SCAF4: variants seen among roughly 807,000 people sequenced by gnomAD.
SCAF4 encodes the protein SR-related and CTD-associated factor 4.
Under a neutral mutation model 129.8 loss-of-function variants are expected in SCAF4, and 25 were observed. The observed-to-expected ratio is 0.19, with a 90% confidence interval of 0.14 to 0.27. The LOEUF is 0.27. SCAF4 is among the 10% of genes least tolerant of loss of function. SCAF4 has a pLI of 1.00. For missense variants in SCAF4, 1,246 were observed against 1,457.1 expected (o/e 0.86, Z 2.36); for synonymous variants, 551 against 497.7 (o/e 1.11, Z -1.43).
At chr21:31,720,964 A>G (rs1187840877) in intron 1 of SCAF4, among the ~76,000 whole-genome samples, 2 of 152,234 alleles carry the variant, frequency 1.3e-5, no homozygotes, top group South Asian at 2.1e-4. Context: ...ATAACCTGAC[A>G]TTTCTGTGTA....
In SCAF4 at chr21:31,692,408, T is replaced by C. The variant is rs1179683870; in HGVS notation, c.1555A>G (p.Thr519Ala). 1.2e-6 allele frequency: 2 copies of C among 1,614,044 alleles called. No individual in the cohort carries two copies. Among genetic ancestry groups the C allele is most frequent in the Non-Finnish European group, 1.7e-6 (2 of 1,179,936 alleles). ...AGACTGGCAACATCCTGCTGAGTAG[T>C]TCTTTTGTCCAGCTGCCCCACCCAG... Reference protein sequence around the residue: ...TLWVGQLDKRTTQQDVASLLE... With the variant: ...TLWVGQLDKRATQQDVASLLE... The change falls in exon 13 of 20, where the codon ACT becomes GCT. Residue 519 changes from threonine (T) to alanine (A), a missense_variant. Coordinates refer to ENST00000286835, the MANE Select transcript of SCAF4 (RefSeq NM_020706.2).
intron 7 of SCAF4, among the ~76,000 whole-genome samples, chr21:31,698,900 T>C (rs1441580487): frequency 6.6e-6 from 1 of 152,234 alleles, no homozygotes; most frequent in African/African-American, 2.4e-5. Context: ...AAGATAAATC[T>C]ATCTTTCATT....
chr21:31,707,103 T>C (rs942578819), intron 1 of SCAF4, among the ~76,000 whole-genome samples: 1 of 152,216 alleles, frequency 6.6e-6, no homozygotes, highest in African/African-American at 2.4e-5. Context: ...TGGGATGTTG[T>C]ATTATGGGAG....
At position 31,702,393 on chromosome 21, in the gene SCAF4, G is replaced by C; in HGVS notation, c.322-14C>G. The C allele has an allele frequency of 6.2e-7, 1 of 1,607,074 alleles. No individual in the cohort carries two copies. The highest frequency in any genetic ancestry group is 8.5e-7 in the Non-Finnish European group (1 of 1,176,890). On this transcript the variant is annotated splice_polypyrimidine_tract_variant and intron_variant, in intron 4 of 19. Transcript: ENST00000286835. The stretch of plus-strand genomic sequence containing the variant: ...AACTATTTTACTCTGTTACGCATGA[G>C]AAACACAAATATACAATAAATATTT...
chr21:31,712,205 C>G (rs2050814367), intron 1 of SCAF4, among the ~76,000 whole-genome samples: 1 of 140,600 alleles, frequency 7.1e-6, no homozygotes. Context: ...GAGTTTGATT[C>G]TCCCATTTGT....
At chr21:31,700,500 T>C (rs1371340164) in intron 7 of SCAF4, among the ~76,000 whole-genome samples, 1 of 152,042 alleles carries the variant, frequency 6.6e-6, no homozygotes, top group African/African-American at 2.4e-5. Context: ...AGTGGAATAC[T>C]ATGTATTACA....
chr21:31,688,252 T>A, intron 16 of SCAF4, 55 bp downstream of exon 16: 2 of 1,569,846 alleles, frequency 1.3e-6, no homozygotes, highest in Non-Finnish European at 1.7e-6. Context: ...ACAGTAAGAT[T>A]TAGAAAGGGA....
At chr21:31,705,008 C>T (rs552584780) in intron 3 of SCAF4, among the ~76,000 whole-genome samples, 3 of 152,128 alleles carry the variant, frequency 2.0e-5, no homozygotes, top group Non-Finnish European at 4.4e-5. Context: ...GCCAATCACA[C>T]AGTTATAAAA....
At chr21:31,717,841 A>ATATATATATATATATATATG in intron 1 of SCAF4, among the ~76,000 whole-genome samples, 1 of 83,332 alleles carries the variant, frequency 1.2e-5, no homozygotes, top group African/African-American at 4.3e-5. Context: ...ATATATATAT[A>ATATATATATATATATATATG]TACACACACA....
At chr21:31,676,957 G>T (rs954859702) in intron 19 of SCAF4, among the ~76,000 whole-genome samples, 1 of 151,932 alleles carries the variant, frequency 6.6e-6, no homozygotes, top group Admixed American at 6.6e-5. Context: ...AAAATATGTG[G>T]TCCTGTGTGA....
chr21:31,695,403 G>A (rs962559371), intron 9 of SCAF4, among the ~76,000 whole-genome samples: 2 of 151,760 alleles, frequency 1.3e-5, no homozygotes, highest in Non-Finnish European at 2.9e-5. Context: ...AATAACCAAG[G>A]GGGAATTTCA....
Position 31,688,566 on chromosome 21 carries a change from TAAAG to T in SCAF4, c.1886-106_1886-103del, listed in dbSNP as rs2050185235. ...GATTATAAAAACCTAGCCCAGTTAT[TAAAG>T]AAATTCCCATGCTAATTTTAGAAAT... On this transcript the variant is annotated intron_variant, in intron 15 of 19. Transcript: ENST00000286835. 6 of 913,418 alleles carry T rather than the reference TAAAG, an allele frequency of 6.6e-6. 1 individual carries two copies. The East Asian group carries it at 1.5e-4, about 22-fold the overall frequency. 56.6% of individuals were successfully genotyped at this position (913,418 alleles called of 1,614,324 possible). A position where few individuals can be genotyped will look rare whatever the true frequency, so the allele number is the denominator to read the frequency against.
chr21:31,701,339 C>T (rs964271899), intron 6 of SCAF4, among the ~76,000 whole-genome samples, 168 bp from the exon 7 acceptor site: 5 of 152,088 alleles, frequency 3.3e-5, no homozygotes, highest in Non-Finnish European at 7.4e-5. Flanking sequence ...AATGAATATA[C>T]AGAGATATAA....
At chr21:31,730,527 C>G (rs1364946298) in intron 1 of SCAF4, among the ~76,000 whole-genome samples, 1 of 152,198 alleles carries the variant, frequency 6.6e-6, no homozygotes, top group Admixed American at 6.5e-5. Flanking sequence ...ATAATTGTTA[C>G]AAGTAAACCT....
chr21:31,697,439 TTCA>T (rs2050414818), intron 7 of SCAF4, among the ~76,000 whole-genome samples: 1 of 152,218 alleles, frequency 6.6e-6, no homozygotes, highest in Non-Finnish European at 1.5e-5. Flanking sequence ...TCATATAGAC[TTCA>T]TCACAAGAAC....
At chr21:31,720,848 A>G in intron 1 of SCAF4, among the ~76,000 whole-genome samples, 1 of 152,210 alleles carries the variant, frequency 6.6e-6, no homozygotes, top group East Asian at 1.9e-4. Context: ...CAAACTTAGG[A>G]TTCGGGATCA....
rs1269283075 is a variant in SCAF4 at position 31,731,953 on chromosome 21, T to C, written c.-261A>G. 1.0e-5 allele frequency: 5 copies of C among 482,248 alleles called. No homozygotes were observed. Among genetic ancestry groups the C allele is most frequent in the Non-Finnish European group, 1.8e-5 (5 of 278,560 alleles). The allele number at this position is 482,248 out of a possible 1,614,324, so 29.9% of individuals were successfully genotyped here. ...GCGGCGGCAGCGCTGGTCTTCAACATGTCCGTTTGGTGGTGGCGGCTGCGC... is the reference window on the plus strand; with the variant it reads ...GCGGCGGCAGCGCTGGTCTTCAACACGTCCGTTTGGTGGTGGCGGCTGCGC... On this transcript the variant is annotated 5_prime_UTR_variant, in exon 1 of 20. An upstream start codon of the reference 5' UTR is lost. Coordinates refer to ENST00000286835, the MANE Select transcript of SCAF4 (RefSeq NM_020706.2).
rs1478436023 is a variant in SCAF4 at position 31,700,729 on chromosome 21, C to G, written c.777+266G>C. The G allele has an allele frequency of 6.7e-6, 3 of 448,866 alleles. No homozygotes were observed. The Admixed American group carries it at 1.2e-4, about 17-fold the overall frequency. 27.8% of individuals were successfully genotyped at this position (448,866 alleles called of 1,614,324 possible). A position where few individuals can be genotyped will look rare whatever the true frequency, so the allele number is the denominator to read the frequency against. On this transcript the variant is annotated intron_variant, in intron 7 of 19. Coordinates refer to ENST00000286835, the MANE Select transcript of SCAF4 (RefSeq NM_020706.2). ...TGAAGAATTTTCTGTTTCCTTTACT[C>G]CCTAACTTTTTCTTTTTTTTTTTTT...
At chr21:31,682,563 C>A (rs1413488474) in intron 19 of SCAF4, among the ~76,000 whole-genome samples, 1 of 152,106 alleles carries the variant, frequency 6.6e-6, no homozygotes, top group East Asian at 1.9e-4. Context: ...CTACAGCAGG[C>A]CCCAAAGCAA....
Sources: allele counts gnomAD v4.1 joint callset (sites outside exome capture counted in the v4.1 genomes callset), GRCh38; gene constraint gnomAD v4.1.1; transcripts MANE v1.5; gene names NCBI Gene and HGNC (gene_info 2026-07-23, HGNC 2026-07-21).